The following DYRK1B variants were observed in gnomAD, a reference collection of about 807,000 sequenced individuals.
The protein encoded by DYRK1B is dual specificity tyrosine phosphorylation regulated kinase 1B, also known as dual specificity tyrosine-phosphorylation-regulated kinase 1B.
DYRK1B carries 20 observed loss-of-function variants against 57.1 expected under a neutral mutation model. The ratio of observed to expected loss-of-function variants is 0.35; its 90% CI spans 0.25 to 0.51. The LOEUF is 0.51. Ranked by LOEUF, DYRK1B falls within the 20% of genes least tolerant of loss-of-function variation. DYRK1B has a pLI of 0.96. For synonymous variants in DYRK1B, 409 were observed against 384.7 expected, an observed-to-expected ratio of 1.06 and a Z score of -0.74; for missense variants, 732 against 886.3, an observed-to-expected ratio of 0.83 and a Z score of 2.21.
rs1196739837 is a variant in DYRK1B at position 39,831,836 on chromosome 19, G to A, written c.32C>T (p.Ser11Phe). The A allele has an allele frequency of 1.9e-6, 3 of 1,540,932 alleles. No individual in the cohort carries two copies. In the Admixed American group the frequency reaches 6.0e-5, roughly 31 times the overall value. ...GTGCTCCTGGGGCCCTGGGAAGCCA[G>A]AGAAGGGACCATGGCCCGGTGGGAC... is the stretch of plus-strand genomic sequence containing the variant. Reference protein sequence around the residue: MAVPPGHGPFSGFPGPQEHTQ... With the variant: MAVPPGHGPFFGFPGPQEHTQ... The change falls in exon 2 of 11, where the codon TCT becomes TTT. Residue 11 changes from serine to phenylalanine, a missense_variant. Physicochemically the swap from Ser to Phe is radical, Grantham distance 155. Transcript: ENST00000323039.
At position 39,830,504 on chromosome 19, in the gene DYRK1B, G is replaced by C. The variant is rs1568533752; in HGVS notation, c.243C>G (p.Asn81Lys). Residue 81 changes from asparagine (N) to lysine (K), a missense_variant, in exon 4 of 11, where the codon AAC (asparagine) becomes AAG (lysine). Asn to Lys is a moderately conservative substitution (Grantham distance 94, BLOSUM62 0). This residue lies in a region of DYRK1B where 510 missense variants were observed against 681.3 expected (regional missense o/e 0.75). Transcript: ENST00000323039. ...AQQAPPQDSS[N>K]KKEKKVLNHG... ...GGTTCAGGACCTTCTTCTCCTTCTTGTTGCTCGAATCCTGGGGTGGCGCCT... is the reference window on the plus strand; with the variant it reads ...GGTTCAGGACCTTCTTCTCCTTCTTCTTGCTCGAATCCTGGGGTGGCGCCT... 6.2e-7 allele frequency: 1 copy of C among 1,614,192 alleles called. No homozygotes were observed.
In DYRK1B at chr19:39,825,426, A is replaced by C; in HGVS notation, c.*289T>G. The C allele has an allele frequency of 2.5e-6, 1 of 402,458 alleles. No individual in the cohort carries two copies. 24.9% of individuals were successfully genotyped at this position (402,458 alleles called of 1,614,324 possible). Reference sequence around the variant, plus strand: ...CCCCTACCTGCCCCCACCCCCTCCTAGGGTCCTGGGGTGAGGGGGGGTCTT... The same window carrying C: ...CCCCTACCTGCCCCCACCCCCTCCTCGGGTCCTGGGGTGAGGGGGGGTCTT... On this transcript the variant is annotated 3_prime_UTR_variant, in exon 11 of 11. Coordinates refer to ENST00000323039, the MANE Select transcript of DYRK1B (RefSeq NM_004714.3).
At chr19:39,831,591 C>T (rs1968812264) in intron 2 of DYRK1B, among the ~76,000 whole-genome samples, 2 of 152,186 alleles carry the variant, frequency 1.3e-5, no homozygotes. Flanking sequence ...GTATGGAGAA[C>T]CTAAGGAATT....
At chr19:39,830,587 A>T in intron 3 of DYRK1B, 24 bp from the exon 4 acceptor site, 1 of 1,613,862 alleles carries the variant, frequency 6.2e-7, no homozygotes, top group South Asian at 1.1e-5. Context: ...CAGCCAGGAG[A>T]TGGGGACTGG....
At position 39,825,952 on chromosome 19, in the gene DYRK1B, A is replaced by AC; in HGVS notation, c.1652dup (p.Pro552SerfsTer23). On this transcript the variant is annotated frameshift_variant, in exon 11 of 11. Transcript: ENST00000323039. LOFTEE classifies it high-confidence loss of function. ...GTGGTGGTGAGGTTGGTGATGGGGG[A>AC]CGACCAAGGTATCGGGGCTGGGGGG... The AC allele has an allele frequency of 6.5e-7, 1 of 1,528,404 alleles. No individual in the cohort carries two copies. Among genetic ancestry groups the AC allele is most frequent in the Non-Finnish European group, 8.8e-7 (1 of 1,140,958 alleles). The allele number at this position is 1,528,404 out of a possible 1,614,324, so 94.7% of individuals were successfully genotyped here. A position where few individuals can be genotyped will look rare whatever the true frequency, so the allele number is the denominator to read the frequency against.
At chr19:39,833,076 T>C in intron 1 of DYRK1B, 1 of 985,298 alleles carries the variant, frequency 1.0e-6, no homozygotes, top group Non-Finnish European at 1.2e-6. Flanking sequence ...GGTTCTCTCC[T>C]CCCAGAGTTG....
Position 39,826,766 on chromosome 19 carries a change from GGTGGCCTC to G in DYRK1B, c.1309_1316del (p.Glu437GlnfsTer40), listed in dbSNP as rs1568529802. On this transcript the variant is annotated frameshift_variant, in exon 9 of 11. Transcript: ENST00000323039. LOFTEE classifies it high-confidence loss of function. This position sits in a 1 kb window ranked among gnomAD's most constrained non-coding sequence, Gnocchi z 6.3. ...CACTGCTGCCTGCCGGGCCCGTGTT[GGTGGCCTC>G]GTCGGCCGTGCGGCGGAAGAAGCCG... is the stretch of plus-strand genomic sequence containing the variant. 6.3e-7 allele frequency: 1 copy of G among 1,581,602 alleles called. No homozygotes were observed. The highest frequency in any genetic ancestry group is 1.8e-5 in the Admixed American group (1 of 55,232).
rs560468513 is a variant in DYRK1B at position 39,827,948 on chromosome 19, G to A, written c.808-292C>T. ...GACATTCCATAAGCCCTATACCATC[G>A]TCACTTTTAGTGGCAGCTCATACAG... On this transcript the variant is annotated intron_variant, in intron 6 of 10. Transcript: ENST00000323039. 6.6e-5 allele frequency among the ~76,000 whole-genome samples: 10 copies of A among 152,146 alleles called. No homozygotes were observed. In the East Asian group the frequency reaches 1.9e-3, roughly 29 times the overall value.
intron 1 of DYRK1B, among the ~76,000 whole-genome samples, 173 bp downstream of exon 1, chr19:39,833,846 TGGCC>T (rs908920851): frequency 6.6e-6 from 1 of 152,138 alleles, no homozygotes; most frequent in African/African-American, 2.4e-5. Flanking sequence ...TCCTCGGGCT[TGGCC>T]GGTTCCAGGA....
intron 1 of DYRK1B, chr19:39,833,282 C>A (rs573888099): frequency 1.0e-6 from 1 of 985,460 alleles, no homozygotes; most frequent in Non-Finnish European, 1.2e-6. Context: ...TCAGGGCTGG[C>A]GCGGGGCCCA....
At position 39,825,886 on chromosome 19, in the gene DYRK1B, A is replaced by G; in HGVS notation, c.1719T>C (p.Ala573=). The change falls in exon 11 of 11, where the codon GCT becomes GCC. Residue 573 remains alanine (A), a synonymous_variant. Transcript: ENST00000323039. Reference sequence around the variant, plus strand: ...GCGCTGGGTGAGGTGGGGAGCAGTCAGCAGGGCCGCCCACCAGGCTCACAT... The same window carrying G: ...GCGCTGGGTGAGGTGGGGAGCAGTCGGCAGGGCCGCCCACCAGGCTCACAT... ...LMDVSLVGGP[A]DCSPPHPAPA... 1 of 1,585,260 alleles carries G rather than the reference A, an allele frequency of 6.3e-7. No homozygotes were observed. The highest frequency in any genetic ancestry group is 8.6e-7 in the Non-Finnish European group (1 of 1,166,886).
In DYRK1B at chr19:39,828,157, C is replaced by G; in HGVS notation, c.807+140G>C. The G allele has an allele frequency of 1.0e-6, 1 of 984,246 alleles. No homozygotes were observed. Among genetic ancestry groups the G allele is most frequent in the East Asian group, 2.6e-5 (1 of 38,288 alleles). The allele number at this position is 984,246 out of a possible 1,614,324, so 61.0% of individuals were successfully genotyped here. A position where few individuals can be genotyped will look rare whatever the true frequency, so the allele number is the denominator to read the frequency against. Reference sequence around the variant, plus strand: ...CCCATCCTAGTGGGCAGTATATTCACACCCCCACCCCAAGCATTATCCCTC... The same window carrying G: ...CCCATCCTAGTGGGCAGTATATTCAGACCCCCACCCCAAGCATTATCCCTC... On this transcript the variant is annotated intron_variant, in intron 6 of 10. Transcript: ENST00000323039. The surrounding 1 kb of genome is among the most constrained non-coding windows in gnomAD (Gnocchi z 4.3).
At position 39,831,790 on chromosome 19, in the gene DYRK1B, C is replaced by T. The variant is rs374750100; in HGVS notation, c.63+15G>A. 1.1e-5 allele frequency: 17 copies of T among 1,548,974 alleles called. No homozygotes were observed. The highest frequency in any genetic ancestry group is 2.3e-4 in the Middle Eastern group (1 of 4,430). On this transcript the variant is annotated intron_variant, in intron 2 of 10. Transcript: ENST00000323039. ...CCCTACCACCACGCAGGTGAGGAGC[C>T]AGCTGAACGCGTACCTGCGTGTGCT...
chr19:39,833,081 G>T lies in DYRK1B; in HGVS notation c.-102+942C>A, dbSNP rs140379305. Reference sequence around the variant, plus strand: ...TATCACATAGGGTTCTCTCCTCCCAGAGTTGTCAGCTACAGCAAAAATCTT... The same window carrying T: ...TATCACATAGGGTTCTCTCCTCCCATAGTTGTCAGCTACAGCAAAAATCTT... On this transcript the variant is annotated intron_variant, in intron 1 of 10. Transcript: ENST00000323039. 2.0e-5 allele frequency: 20 copies of T among 985,344 alleles called. No homozygotes were observed. In the Middle Eastern group the frequency reaches 1.6e-3, roughly 77 times the overall value. 61.0% of individuals were successfully genotyped at this position (985,344 alleles called of 1,614,324 possible).
intron 1 of DYRK1B, 138 bp from the exon 2 acceptor site, chr19:39,832,106 T>G: frequency 1.0e-6 from 1 of 956,850 alleles, no homozygotes; most frequent in Non-Finnish European, 1.4e-6. Flanking sequence ...CAGATAGCAA[T>G]GAAGAGAAGG....
At position 39,825,663 on chromosome 19, in the gene DYRK1B, C is replaced by T; in HGVS notation, c.*52G>A. ...GAGATGAGGATGGGAGCCCAGGGCC[C>T]CCAGATGGGGGAGGGTATGGCTTCA... On this transcript the variant is annotated 3_prime_UTR_variant, in exon 11 of 11. Coordinates refer to ENST00000323039, the MANE Select transcript of DYRK1B (RefSeq NM_004714.3). 2 of 1,521,482 alleles carry T rather than the reference C, an allele frequency of 1.3e-6. No homozygotes were observed. The highest frequency in any genetic ancestry group is 1.8e-6 in the Non-Finnish European group (2 of 1,131,808). The allele number at this position is 1,521,482 out of a possible 1,614,324, so 94.2% of individuals were successfully genotyped here.
At position 39,826,949 on chromosome 19, in the gene DYRK1B, C is replaced by T; in HGVS notation, c.1134G>A (p.Val378=). Residue 378 remains valine, a synonymous_variant, in exon 9 of 11, where the codon GTG becomes GTA. Coordinates refer to ENST00000323039, the MANE Select transcript of DYRK1B (RefSeq NM_004714.3). This position sits in a 1 kb window ranked among gnomAD's most constrained non-coding sequence, Gnocchi z 6.3. ...QGPGTRRLQE[V]LGVQTGGPGG... is the part of the protein sequence containing the mutation. ...CGGGCCCGCCCGTCTGCACGCCCAGCACCTCCTGCAGCCGCCGTGTCCCGG... is the reference window on the plus strand; with the variant it reads ...CGGGCCCGCCCGTCTGCACGCCCAGTACCTCCTGCAGCCGCCGTGTCCCGG... 1 of 1,466,092 alleles carries T rather than the reference C, an allele frequency of 6.8e-7. No homozygotes were observed. Among genetic ancestry groups the T allele is most frequent in the Non-Finnish European group, 8.9e-7 (1 of 1,118,742 alleles). The allele number at this position is 1,466,092 out of a possible 1,614,324, so 90.8% of individuals were successfully genotyped here. A position where few individuals can be genotyped will look rare whatever the true frequency, so the allele number is the denominator to read the frequency against.
In DYRK1B at chr19:39,830,359, G is replaced by A. The variant is rs1390677549; in HGVS notation, c.372+16C>T. On this transcript the variant is annotated intron_variant, in intron 4 of 10. Transcript: ENST00000323039. ...TAGTGGGGCCTTGGATCAGGGTGGT[G>A]GGGGGTGTCCCACACCTGGCCAAAG... is the stretch of plus-strand genomic sequence containing the variant. 1.9e-6 allele frequency: 3 copies of A among 1,613,036 alleles called. No individual in the cohort carries two copies. The highest frequency in any genetic ancestry group is 2.5e-6 in the Non-Finnish European group (3 of 1,179,482).
Position 39,828,442 on chromosome 19 carries a change from A to C in DYRK1B, c.662T>G (p.Leu221Arg). Residue 221 changes from leucine to arginine, a missense_variant, in exon 6 of 11, where the codon CTC becomes CGC. Coordinates refer to ENST00000323039, the MANE Select transcript of DYRK1B (RefSeq NM_004714.3). The surrounding 1 kb of genome is among the most constrained non-coding windows in gnomAD (Gnocchi z 4.3). Reference protein sequence around the residue: ...LNLTRKLAQQLCTALLFLATP... With the variant: ...LNLTRKLAQQRCTALLFLATP... Reference sequence around the variant, plus strand: ...GGCCAGAAAGAGCAGTGCCGTGCAGAGCTGCTGCGCCAGCTTCCGGGTCAG... The same window carrying C: ...GGCCAGAAAGAGCAGTGCCGTGCAGCGCTGCTGCGCCAGCTTCCGGGTCAG... 1.2e-6 allele frequency: 2 copies of C among 1,613,964 alleles called. No homozygotes were observed. Among genetic ancestry groups the C allele is most frequent in the Non-Finnish European group, 1.7e-6 (2 of 1,179,958 alleles).
Sources: gnomAD v4.1 joint callset for allele counts (sites outside exome capture counted in the v4.1 genomes callset) on GRCh38, gnomAD v4.1.1 for gene constraint, gnomAD v4.1.1 regional missense constraint, Gnocchi (gnomAD v3.1) non-coding constraint, MANE v1.5 for transcripts, NCBI Gene and HGNC (gene_info 2026-07-23, HGNC 2026-07-21) for gene names.